TRAPPC9: variants seen among roughly 807,000 people sequenced by gnomAD.
The protein encoded by TRAPPC9 is trafficking protein particle complex subunit 9, also known as IKK2 binding protein.
A neutral mutation model predicts 124.0 loss-of-function variants in TRAPPC9; 83 were observed. The observed-to-expected ratio is 0.67, with a 90% CI of 0.56 to 0.80. The LOEUF (loss-of-function observed/expected upper bound fraction) is 0.80, where lower values mean the gene tolerates loss of function less well. Ranked by LOEUF, TRAPPC9 falls within the 30% of genes least tolerant of loss-of-function variation. TRAPPC9 has a pLI of 0.00. For synonymous variants in TRAPPC9, 638 were observed against 617.5 expected (o/e 1.03, Z -0.49); for missense variants, 1,302 against 1,508.3 (o/e 0.86, Z 2.27).
intron 15 of TRAPPC9, among the ~76,000 whole-genome samples, chr8:140,267,238 G>A (rs2064702622): frequency 6.6e-6 from 1 of 152,202 alleles, no homozygotes; most frequent in African/African-American, 2.4e-5. Flanking sequence ...GGAAGGAAAA[G>A]GAAAAGGGGA....
intron 21 of TRAPPC9, among the ~76,000 whole-genome samples, chr8:139,852,840 G>T (rs1297424294): frequency 1.3e-5 from 2 of 152,172 alleles, no homozygotes; most frequent in African/African-American, 4.8e-5. Context: ...TTATTCAAGA[G>T]GATGGGATAT....
At chr8:140,401,758 A>G (rs1214836493) in intron 6 of TRAPPC9, among the ~76,000 whole-genome samples, 1 of 151,702 alleles carries the variant, frequency 6.6e-6, no homozygotes, top group East Asian at 1.9e-4. Context: ...CTGGTACCTG[A>G]GACAGCAGGT....
At chr8:139,973,771 G>C (rs534031660) in intron 19 of TRAPPC9, among the ~76,000 whole-genome samples, 75 of 152,234 alleles carry the variant, frequency 4.9e-4, no homozygotes, top group Non-Finnish European at 7.5e-4. Flanking sequence ...GGGAGGCTGG[G>C]GGAGGAGGCC....
rs563464790 is a variant in TRAPPC9, at chr8:139,920,357, A to G, written c.2811-10057T>C. ...TGAAAGTCTGTCTCAAGCAAAACAA[A>G]ACAAACAAACAAAGATTCTTTACCA... On this transcript the variant is annotated intron_variant, in intron 19 of 22. Transcript: ENST00000438773. Among the ~76,000 whole-genome samples, 70 of 152,330 alleles carry G rather than the reference A, an allele frequency of 4.6e-4. 1 individual carries two copies. The highest frequency in any genetic ancestry group is 8.4e-4 in the Non-Finnish European group (57 of 68,028).
chr8:140,092,489 G>A lies in TRAPPC9; in HGVS notation c.2557-68410C>T, dbSNP rs145680424. On this transcript the variant is annotated intron_variant, in intron 17 of 22. Transcript: ENST00000438773. ...TGGGACTACAGGCATGAGCCACCAC[G>A]CGCGGCCACAGTGCATAGAGCATCT... Among the ~76,000 whole-genome samples the A allele has an allele frequency of 1.5e-4, 23 of 152,170 alleles. No individual in the cohort carries two copies. The East Asian group carries it at 2.3e-3, about 15-fold the overall frequency.
chr8:140,231,144 A>G (rs149973585), intron 16 of TRAPPC9, among the ~76,000 whole-genome samples: 96 of 152,342 alleles, frequency 6.3e-4, no homozygotes, highest in African/African-American at 2.2e-3. Flanking sequence ...TGAATGAGCT[A>G]ATGTCATTTC....
chr8:140,240,136 T>G (rs1012152111), intron 16 of TRAPPC9, among the ~76,000 whole-genome samples: 3 of 152,086 alleles, frequency 2.0e-5, no homozygotes, highest in African/African-American at 7.2e-5. Context: ...ATAGACATGT[T>G]TTTTTTTCAC....
At chr8:139,892,363 G>A (rs1293576555) in intron 20 of TRAPPC9, among the ~76,000 whole-genome samples, 1 of 152,210 alleles carries the variant, frequency 6.6e-6, no homozygotes, top group Non-Finnish European at 1.5e-5. Context: ...CCTCTCTCTG[G>A]AGAGGAGGTG....
intron 17 of TRAPPC9, among the ~76,000 whole-genome samples, chr8:140,125,247 C>T (rs750407622): frequency 1.3e-5 from 2 of 152,092 alleles, no homozygotes; most frequent in Non-Finnish European, 2.9e-5. Flanking sequence ...CAGGGGCACT[C>T]GGAGGGAACC....
intron 10 of TRAPPC9, among the ~76,000 whole-genome samples, chr8:140,307,987 C>T (rs2066184041): frequency 6.6e-6 from 1 of 152,090 alleles, no homozygotes; most frequent in Admixed American, 6.6e-5. Context: ...GAAATAATTC[C>T]TAACTTACAA....
At chr8:140,307,817 C>G (rs908248379) in intron 10 of TRAPPC9, among the ~76,000 whole-genome samples, 1 of 152,156 alleles carries the variant, frequency 6.6e-6, no homozygotes, top group African/African-American at 2.4e-5. Flanking sequence ...CTTCTTTCTG[C>G]CTTGGATGTA....
chr8:139,883,802 T>C (rs1009001946), intron 21 of TRAPPC9, among the ~76,000 whole-genome samples: 3 of 152,232 alleles, frequency 2.0e-5, no homozygotes, highest in African/African-American at 7.2e-5. Context: ...CCTGGTGGCC[T>C]GTAACGCAGT....
At chr8:140,192,730 A>G (rs946551322) in intron 17 of TRAPPC9, among the ~76,000 whole-genome samples, 6 of 152,170 alleles carry the variant, frequency 3.9e-5, no homozygotes, top group Non-Finnish European at 7.3e-5. Context: ...ACTAGCCACT[A>G]TTTATTGGAT....
At chr8:140,132,860 AGGCTT>A (rs1797218476) in intron 17 of TRAPPC9, among the ~76,000 whole-genome samples, 1 of 152,188 alleles carries the variant, frequency 6.6e-6, no homozygotes, top group African/African-American at 2.4e-5. Context: ...GCAAGTGCTA[AGGCTT>A]GGCAGCACGC....
In TRAPPC9 at chr8:140,241,484, G is replaced by C. The variant is rs1264885181; in HGVS notation, c.2431+11293C>G. On this transcript the variant is annotated intron_variant, in intron 16 of 22. Transcript: ENST00000438773. This position sits in a 1 kb window ranked among gnomAD's most constrained non-coding sequence, Gnocchi z 5.0. Reference sequence around the variant, plus strand: ...GGCTGAGGTGGGTGAATCATGAGGTGAAGGGATCAAGACTATCCTGGCCAA... The same window carrying C: ...GGCTGAGGTGGGTGAATCATGAGGTCAAGGGATCAAGACTATCCTGGCCAA... Among the ~76,000 whole-genome samples, 1 of 150,130 alleles carries C rather than the reference G, an allele frequency of 6.7e-6. No individual in the cohort carries two copies. The highest frequency in any genetic ancestry group is 2.5e-5 in the African/African-American group (1 of 40,650).
intron 1 of TRAPPC9, chr8:140,456,750 A>T (rs2071679905): frequency 2.1e-6 from 2 of 969,544 alleles, no homozygotes; most frequent in Non-Finnish European, 2.5e-6. Context: ...GACAGTCACC[A>T]GTTTAAACTG....
At chr8:139,748,205 A>G (rs182454724) in intron 21 of TRAPPC9, among the ~76,000 whole-genome samples, 777 of 25,524 alleles carry the variant, frequency 0.03, 2 homozygotes, top group Middle Eastern at 0.094. Flanking sequence ...TGGGAGGTGT[A>G]CAGGGATCAG....
chr8:140,093,030 A>G (rs77964489), intron 17 of TRAPPC9, among the ~76,000 whole-genome samples: 3,241 of 147,764 alleles, frequency 0.022, 105 homozygotes, highest in African/African-American at 0.074. Context: ...ATCTGAATGA[A>G]AAAAAAAAAA....
intron 21 of TRAPPC9, among the ~76,000 whole-genome samples, chr8:139,783,425 GA>G (rs1821972569): frequency 6.6e-6 from 1 of 152,128 alleles, no homozygotes; most frequent in Non-Finnish European, 1.5e-5. Flanking sequence ...TGACAACATA[GA>G]TAAAATGGAT....
Sources: gnomAD v4.1 joint callset for allele counts (sites outside exome capture counted in the v4.1 genomes callset) on GRCh38, gnomAD v4.1.1 for gene constraint, Gnocchi (gnomAD v3.1) non-coding constraint, MANE v1.5 for transcripts, NCBI Gene and HGNC (gene_info 2026-07-23, HGNC 2026-07-21) for gene names.